Variants in ZNRF2 observed in about 807,000 individuals in gnomAD.
The protein encoded by ZNRF2 is zinc and ring finger 2.
A neutral mutation model predicts 20.4 loss-of-function variants in ZNRF2; 16 were observed. The ratio of observed to expected loss-of-function variants is 0.79; its 90% CI spans 0.53 to 1.19. The LOEUF is 1.19. Among genes scored for constraint, ZNRF2 ranks in the 50% most tolerant of loss-of-function variants. The pLI, the probability that ZNRF2 is intolerant of heterozygous loss-of-function variation, is 0.00. For missense variants in ZNRF2, 363 were observed against 332.4 expected (o/e 1.09, Z -0.72); for synonymous variants, 178 against 144.9 (o/e 1.23, Z -1.64).
rs1178310035 is a variant in ZNRF2 at position 30,295,080 on chromosome 7, T to A, written c.469+9254T>A. Among the ~76,000 whole-genome samples the A allele has an allele frequency of 4.9e-4, 71 of 145,958 alleles. 3 individuals carry two copies. The highest frequency in any genetic ancestry group is 1.6e-3 in the African/African-American group (60 of 37,382). On this transcript the variant is annotated intron_variant, in intron 1 of 4. Transcript: ENST00000323037. Reference sequence around the variant, plus strand: ...GTGTGTGTGTGTGTGTGTGTGTGTGTGTGTGTGTGTGTGTGTGTGTGATTG... The same window carrying A: ...GTGTGTGTGTGTGTGTGTGTGTGTGAGTGTGTGTGTGTGTGTGTGTGATTG...
At chr7:30,359,060 G>T (rs1286890027) in intron 3 of ZNRF2, among the ~76,000 whole-genome samples, 2 of 152,152 alleles carry the variant, frequency 1.3e-5, no homozygotes, top group African/African-American at 4.8e-5. Flanking sequence ...TCAATAAATG[G>T]TGCTGGGATC....
intron 2 of ZNRF2, among the ~76,000 whole-genome samples, chr7:30,330,751 T>TG (rs553069269): frequency 7.0e-6 from 1 of 142,422 alleles, no homozygotes; most frequent in African/African-American, 2.8e-5. Flanking sequence ...GAAATTGGCA[T>TG]TTTTTTTTAA....
intron 2 of ZNRF2, among the ~76,000 whole-genome samples, chr7:30,346,364 T>C (rs1197963864): frequency 6.6e-6 from 1 of 151,754 alleles, no homozygotes; most frequent in Non-Finnish European, 1.5e-5. Flanking sequence ...TGGCTAATTT[T>C]TGTATTTTTA....
chr7:30,300,797 A>T (rs1799101932), intron 1 of ZNRF2, among the ~76,000 whole-genome samples: 1 of 152,240 alleles, frequency 6.6e-6, no homozygotes, highest in African/African-American at 2.4e-5. Flanking sequence ...GGAATTTATT[A>T]TGTTTTGTTA....
chr7:30,313,664 C>G (rs1209320739), intron 1 of ZNRF2, among the ~76,000 whole-genome samples: 3 of 151,888 alleles, frequency 2.0e-5, no homozygotes, highest in Non-Finnish European at 4.4e-5. Flanking sequence ...TAGAATTGCC[C>G]CCGAGAATAT....
In ZNRF2 at chr7:30,323,707, T is replaced by TTAA; in HGVS notation, c.535_536insTAA (p.Cys179delinsLeuSer). On this transcript the variant is annotated protein_altering_variant, in exon 2 of 5. Transcript: ENST00000323037. ...TGAAATGGATTTGCATCTTGTAATG[T>TTAA]GTTTAACAAAGCCACGAATAACCTA... 1 of 1,598,574 alleles carries TTAA rather than the reference T, an allele frequency of 6.3e-7. No individual in the cohort carries two copies. Among genetic ancestry groups the TTAA allele is most frequent in the Non-Finnish European group, 8.5e-7 (1 of 1,173,964 alleles).
chr7:30,351,037 CTTT>C (rs761399972), intron 2 of ZNRF2, among the ~76,000 whole-genome samples: 1 of 133,222 alleles, frequency 7.5e-6, no homozygotes. Context: ...TGGCTGTTTG[CTTT>C]TTTTTTTTTC....
chr7:30,309,892 A>G (rs1799265992), intron 1 of ZNRF2, among the ~76,000 whole-genome samples: 1 of 152,188 alleles, frequency 6.6e-6, no homozygotes, highest in African/African-American at 2.4e-5. Context: ...CTGGAGTTGG[A>G]AGAAAACAAG....
intron 2 of ZNRF2, among the ~76,000 whole-genome samples, chr7:30,342,345 T>C (rs538117530): frequency 1.1e-4 from 16 of 152,352 alleles, no homozygotes; most frequent in African/African-American, 3.8e-4. Context: ...CAGTTTGTTA[T>C]GTTTTTGTAG....
At position 30,364,857 on chromosome 7, in the gene ZNRF2, G is replaced by C. The variant is rs925933308; in HGVS notation, c.*23-1178G>C. ...AATTTATACATGACAGAAATTTAGT[G>C]CTCACAGTTCTGGAAGCTGGGAAGT... On this transcript the variant is annotated intron_variant, in intron 4 of 4. Transcript: ENST00000323037. Among the ~76,000 whole-genome samples the C allele has an allele frequency of 3.3e-5, 5 of 152,230 alleles. No homozygotes were observed. The East Asian group carries it at 7.7e-4, about 23-fold the overall frequency.
At position 30,323,708 on chromosome 7, in the gene ZNRF2, GT is replaced by G; in HGVS notation, c.539del (p.Leu180Ter). The stretch of plus-strand genomic sequence containing the variant: ...GAAATGGATTTGCATCTTGTAATGT[GT>G]TTAACAAAGCCACGAATAACCTATA... ...SDEMDLHLVM[C>X]LTKPRITYNE... On this transcript the variant is annotated frameshift_variant, in exon 2 of 5. Coordinates refer to ENST00000323037, the MANE Select transcript of ZNRF2 (RefSeq NM_147128.4). LOFTEE classifies it high-confidence loss of function. 6.3e-7 allele frequency: 1 copy of G among 1,597,380 alleles called. No homozygotes were observed. The highest frequency in any genetic ancestry group is 1.1e-5 in the South Asian group (1 of 87,830).
intron 3 of ZNRF2, among the ~76,000 whole-genome samples, chr7:30,358,515 T>A (rs1159990151): frequency 6.6e-6 from 1 of 152,216 alleles, no homozygotes; most frequent in Non-Finnish European, 1.5e-5. Context: ...AATACTACCT[T>A]AGTCAAATCT....
chr7:30,284,950 G>C lies in ZNRF2; in HGVS notation c.-408G>C, dbSNP rs1434638684. Reference sequence around the variant, plus strand: ...CCGGAGGATGGCGGCGGTAGCAGCGGCCGCCCGAGAGGAGGCGGTGCCGAG... The same window carrying C: ...CCGGAGGATGGCGGCGGTAGCAGCGCCCGCCCGAGAGGAGGCGGTGCCGAG... On this transcript the variant is annotated 5_prime_UTR_variant, in exon 1 of 5. Transcript: ENST00000323037. The C allele has an allele frequency of 3.7e-6, 1 of 268,828 alleles. No individual in the cohort carries two copies. The highest frequency in any genetic ancestry group is 7.5e-6 in the Non-Finnish European group (1 of 133,212). The allele number at this position is 268,828 out of a possible 1,614,324, so 16.7% of individuals were successfully genotyped here.
At chr7:30,309,196 G>A (rs1799254002) in intron 1 of ZNRF2, among the ~76,000 whole-genome samples, 1 of 152,100 alleles carries the variant, frequency 6.6e-6, no homozygotes, top group African/African-American at 2.4e-5. Context: ...GAGTATATAA[G>A]CTTTTATTTG....
intron 1 of ZNRF2, among the ~76,000 whole-genome samples, chr7:30,305,489 G>A (rs982168754): frequency 1.3e-5 from 2 of 151,838 alleles, no homozygotes; most frequent in Admixed American, 1.3e-4. Flanking sequence ...TGTTCTCCTT[G>A]TTTTTTAAAA....
intron 1 of ZNRF2, among the ~76,000 whole-genome samples, chr7:30,286,520 T>C (rs1798793431): frequency 6.6e-6 from 1 of 152,218 alleles, no homozygotes; most frequent in African/African-American, 2.4e-5. Context: ...GGTACAATAA[T>C]TGGCTAGGTT....
chr7:30,338,364 C>T (rs1377271274), intron 2 of ZNRF2, among the ~76,000 whole-genome samples: 1 of 151,278 alleles, frequency 6.6e-6, no homozygotes, highest in Non-Finnish European at 1.5e-5. Context: ...TGATGGTTTG[C>T]TGCACCCATC....
intron 1 of ZNRF2, among the ~76,000 whole-genome samples, chr7:30,322,666 C>CAA (rs5883237): frequency 2.1e-5 from 3 of 145,364 alleles, no homozygotes; most frequent in African/African-American, 7.6e-5. Context: ...ATCATATTTC[C>CAA]AAAAAAAAAA....
At chr7:30,354,887 C>CT (rs1163197718) in intron 2 of ZNRF2, among the ~76,000 whole-genome samples, 2 of 152,204 alleles carry the variant, frequency 1.3e-5, no homozygotes, top group East Asian at 3.9e-4. Context: ...CTTACATACT[C>CT]TATTTTAAGC....
Sources: allele counts gnomAD v4.1 joint callset (sites outside exome capture counted in the v4.1 genomes callset), GRCh38; gene constraint gnomAD v4.1.1; transcripts MANE v1.5; gene names NCBI Gene and HGNC (gene_info 2026-07-23, HGNC 2026-07-21).